Variants in FAF1 observed in about 807,000 individuals in gnomAD.
FAF1 encodes the protein Fas associated factor 1, also known as FAS-associated factor 1.
In FAF1, 25 loss-of-function variants were observed where a neutral mutation model predicts 92.5. The observed-to-expected ratio is 0.27, with a 90% CI of 0.20 to 0.38. The LOEUF (loss-of-function observed/expected upper bound fraction) is 0.38, where lower values mean the gene tolerates loss of function less well. FAF1 is among the 10% of genes least tolerant of loss of function. FAF1 has a pLI of 1.00. For synonymous variants in FAF1, 234 were observed against 273.2 expected (o/e 0.86, Z 1.42); for missense variants, 636 against 793.3 (o/e 0.80, Z 2.38).
chr1:50,871,583 T>C (rs555898297), intron 1 of FAF1, among the ~76,000 whole-genome samples: 1 of 152,346 alleles, frequency 6.6e-6, no homozygotes, highest in South Asian at 2.1e-4. Context: ...AAAGCCTGAA[T>C]GACAGCACAT....
chr1:50,906,790 G>A (rs548321485), intron 1 of FAF1, among the ~76,000 whole-genome samples: 1 of 152,270 alleles, frequency 6.6e-6, no homozygotes, highest in African/African-American at 2.4e-5. Flanking sequence ...CTGAGACGAT[G>A]GGGTTTTCTA....
intron 15 of FAF1, among the ~76,000 whole-genome samples, chr1:50,495,410 A>G (rs1301026492): frequency 2.6e-5 from 4 of 152,204 alleles, no homozygotes; most frequent in African/African-American, 7.2e-5. Flanking sequence ...ATGGCCTCCA[A>G]TTCCATCCAT....
Position 50,939,963 on chromosome 1 carries a change from T to A in FAF1, c.45+19804A>T, listed in dbSNP as rs567781514. Reference sequence around the variant, plus strand: ...TCTCACTCTGTCATCCAGGCTGGAGTGCAGTGGCATGATCTCAGCTCACTG... The same window carrying A: ...TCTCACTCTGTCATCCAGGCTGGAGAGCAGTGGCATGATCTCAGCTCACTG... On this transcript the variant is annotated intron_variant, in intron 1 of 18. Transcript: ENST00000396153. Among the ~76,000 whole-genome samples the A allele has an allele frequency of 2.0e-5, 3 of 152,300 alleles. No individual in the cohort carries two copies. In the South Asian group the frequency reaches 6.2e-4, roughly 32 times the overall value.
intron 1 of FAF1, among the ~76,000 whole-genome samples, chr1:50,906,787 G>T (rs1169537127): frequency 1.3e-5 from 2 of 152,154 alleles, no homozygotes; most frequent in South Asian, 4.1e-4. Flanking sequence ...GGGCTGAGAC[G>T]ATGGGGTTTT....
chr1:50,854,922 T>C (rs191368804), intron 2 of FAF1, among the ~76,000 whole-genome samples: 7 of 151,678 alleles, frequency 4.6e-5, no homozygotes, highest in Admixed American at 3.9e-4. Context: ...ATGGAACATT[T>C]TGGATGATGT....
chr1:50,833,691 A>C (rs1283432000), intron 2 of FAF1, among the ~76,000 whole-genome samples: 1 of 152,034 alleles, frequency 6.6e-6, no homozygotes, highest in Non-Finnish European at 1.5e-5. Context: ...AGCTATCTAG[A>C]GGCCCACCAA....
chr1:50,931,150 T>C (rs1056711095), intron 1 of FAF1, among the ~76,000 whole-genome samples: 12 of 152,228 alleles, frequency 7.9e-5, no homozygotes, highest in Middle Eastern at 3.2e-3. Flanking sequence ...TTTACCCTAT[T>C]TACATTTAAT....
At chr1:50,748,718 T>A (rs1483933299) in intron 4 of FAF1, among the ~76,000 whole-genome samples, 2 of 152,244 alleles carry the variant, frequency 1.3e-5, no homozygotes, top group African/African-American at 4.8e-5. Context: ...TATCTGCTTA[T>A]GTTAGGTTGC....
At chr1:50,457,504 G>A (rs372445827) in intron 18 of FAF1, among the ~76,000 whole-genome samples, 34 of 152,232 alleles carry the variant, frequency 2.2e-4, no homozygotes, top group African/African-American at 7.7e-4. Context: ...GTCTGCGAAA[G>A]CAACTAGAAT....
chr1:50,886,527 A>C (rs1570100627), intron 1 of FAF1, among the ~76,000 whole-genome samples: 28 of 139,366 alleles, frequency 2.0e-4, no homozygotes, highest in Admixed American at 4.4e-4. Context: ...ATCCCTCCCC[A>C]CTCCCCCCAC....
At chr1:50,639,848 CG>C (rs1328430443) in intron 8 of FAF1, among the ~76,000 whole-genome samples, 5 of 149,752 alleles carry the variant, frequency 3.3e-5, no homozygotes, top group Non-Finnish European at 7.4e-5. Context: ...TCAGAAGAAT[CG>C]CTTAAACCTG....
At chr1:50,767,874 A>C (rs1660637490) in intron 4 of FAF1, among the ~76,000 whole-genome samples, 1 of 152,230 alleles carries the variant, frequency 6.6e-6, no homozygotes, top group African/African-American at 2.4e-5. Flanking sequence ...TTAGCCCTAC[A>C]AACAATTACA....
chr1:50,589,271 C>A (rs969238765), intron 9 of FAF1, among the ~76,000 whole-genome samples: 2 of 152,082 alleles, frequency 1.3e-5, no homozygotes, highest in Non-Finnish European at 2.9e-5. Flanking sequence ...GGCCAAAGAA[C>A]CCACAGGGGC....
In FAF1 at chr1:50,698,721, A is replaced by G. The variant is rs75958505; in HGVS notation, c.657+7065T>C. On this transcript the variant is annotated intron_variant, in intron 7 of 18. Transcript: ENST00000396153. ...GGTGGAAGGTTTGGGAATTCTCCTT[A>G]TATCCCTCCTCACCCTATAACTTAC... Among the ~76,000 whole-genome samples the G allele has an allele frequency of 3.0e-3, 456 of 152,228 alleles. 4 individuals carry two copies. The highest frequency in any genetic ancestry group is 0.01 in the African/African-American group (430 of 41,558).
chr1:50,559,989 C>T (rs980253833), intron 13 of FAF1, among the ~76,000 whole-genome samples: 2 of 152,212 alleles, frequency 1.3e-5, no homozygotes, highest in Non-Finnish European at 2.9e-5. Context: ...CTGACCACAA[C>T]ATGTTCATCT....
chr1:50,960,015 C>A lies in FAF1; in HGVS notation c.-204G>T, dbSNP rs1305293801. The A allele has an allele frequency of 5.1e-6, 2 of 394,878 alleles. No homozygotes were observed. Among genetic ancestry groups the A allele is most frequent in the Admixed American group, 8.9e-5 (2 of 22,522 alleles). The allele number at this position is 394,878 out of a possible 1,614,324, so 24.5% of individuals were successfully genotyped here. A position where few individuals can be genotyped will look rare whatever the true frequency, so the allele number is the denominator to read the frequency against. ...TCATGCACTCGGTAACCTTCAGGCGCCCCGGCCGCCCGCCTGCAACCTGCG... is the reference window on the plus strand; with the variant it reads ...TCATGCACTCGGTAACCTTCAGGCGACCCGGCCGCCCGCCTGCAACCTGCG... On this transcript the variant is annotated 5_prime_UTR_variant, in exon 1 of 19. Coordinates refer to ENST00000396153, the MANE Select transcript of FAF1 (RefSeq NM_007051.3).
At chr1:50,597,241 T>A (rs557494963) in intron 8 of FAF1, among the ~76,000 whole-genome samples, 6 of 152,264 alleles carry the variant, frequency 3.9e-5, no homozygotes, top group Admixed American at 2.0e-4. Context: ...CTAGAAAACA[T>A]GACTTTAGCA....
At position 50,475,582 on chromosome 1, in the gene FAF1, T is replaced by TC. The variant is rs756934304; in HGVS notation, c.1750dup (p.Glu584GlyfsTer18). On this transcript the variant is annotated frameshift_variant, in exon 18 of 19. Coordinates refer to ENST00000396153, the MANE Select transcript of FAF1 (RefSeq NM_007051.3). LOFTEE classifies it high-confidence loss of function. The stretch of plus-strand genomic sequence containing the variant: ...GGCCAGGAAACGCCGCTCCAAGAAC[T>TC]CGCCACTGGGGGTCCGGATCCGCAG... The TC allele has an allele frequency of 6.2e-7, 1 of 1,614,102 alleles. No homozygotes were observed.
At chr1:50,792,543 G>A (rs1382206713) in intron 3 of FAF1, among the ~76,000 whole-genome samples, 1 of 152,188 alleles carries the variant, frequency 6.6e-6, no homozygotes, top group Non-Finnish European at 1.5e-5. Context: ...CACATTTCAT[G>A]AGGATGAGAT....
Sources: gnomAD v4.1 joint callset for allele counts (sites outside exome capture counted in the v4.1 genomes callset) on GRCh38, gnomAD v4.1.1 for gene constraint, MANE v1.5 for transcripts, NCBI Gene and HGNC (gene_info 2026-07-23, HGNC 2026-07-21) for gene names.